ARMC8: variants seen among roughly 807,000 people sequenced by gnomAD.
The protein encoded by ARMC8 is armadillo repeat containing 8.
Under a neutral mutation model 99.3 loss-of-function variants are expected in ARMC8, and 20 were observed. The ratio of observed to expected loss-of-function variants is 0.20; its 90% CI spans 0.14 to 0.29. ARMC8 has a LOEUF of 0.29. Ranked by LOEUF, ARMC8 falls within the 10% of genes least tolerant of loss-of-function variation. The pLI, the probability that ARMC8 is intolerant of heterozygous loss-of-function variation, is 1.00. For missense variants in ARMC8, 569 were observed against 809.5 expected (o/e 0.70, Z 3.60); for synonymous variants, 263 against 278.3 (o/e 0.95, Z 0.55).
At chr3:138,240,637 T>A (rs1191988499) in intron 10 of ARMC8, among the ~76,000 whole-genome samples, 1 of 152,224 alleles carries the variant, frequency 6.6e-6, no homozygotes, top group Non-Finnish European at 1.5e-5. Flanking sequence ...ATTATAAAGC[T>A]TCTACTAGCC....
intron 9 of ARMC8, chr3:138,239,243 T>G: frequency 4.8e-6 from 2 of 418,108 alleles, no homozygotes; most frequent in Non-Finnish European, 8.5e-6. Flanking sequence ...TTTTGTTTCA[T>G]TTTGTTTTTT....
At chr3:138,235,395 C>G (rs939491032) in intron 7 of ARMC8, among the ~76,000 whole-genome samples, 1 of 152,118 alleles carries the variant, frequency 6.6e-6, no homozygotes, top group Non-Finnish European at 1.5e-5. Flanking sequence ...GCCATGATGC[C>G]TTGAAGTATA....
chr3:138,290,675 G>T (rs1439274863), intron 21 of ARMC8, 36 bp downstream of exon 21: 1 of 1,426,296 alleles, frequency 7.0e-7, no homozygotes, highest in Admixed American at 2.0e-5. Context: ...GCTTTGGGCT[G>T]TGTTGGATTC....
At chr3:138,246,299 A>G in intron 12 of ARMC8, 2 of 985,838 alleles carry the variant, frequency 2.0e-6, no homozygotes, top group Non-Finnish European at 2.4e-6. Flanking sequence ...TCAGTTAACA[A>G]GATACTTTGA....
At chr3:138,215,550 G>A (rs557142830) in intron 2 of ARMC8, among the ~76,000 whole-genome samples, 7 of 152,110 alleles carry the variant, frequency 4.6e-5, no homozygotes, top group Non-Finnish European at 8.8e-5. Context: ...GCGCTTAACT[G>A]CATGCTGCCA....
intron 1 of ARMC8, among the ~76,000 whole-genome samples, chr3:138,194,537 A>G (rs556002220): frequency 1.3e-5 from 2 of 149,220 alleles, no homozygotes; most frequent in African/African-American, 5.0e-5. Context: ...AAGGGGTTTC[A>G]CTGTGTTAGC....
At chr3:138,241,653 A>G (rs2108175207) in intron 10 of ARMC8, 130 bp from the exon 11 acceptor site, 2 of 800,848 alleles carry the variant, frequency 2.5e-6, no homozygotes, top group Non-Finnish European at 3.9e-6. Context: ...TTTATTCTCT[A>G]GAAGTCAGTA....
intron 17 of ARMC8, among the ~76,000 whole-genome samples, chr3:138,273,675 A>T (rs1241920291): frequency 2.0e-5 from 3 of 152,330 alleles, no homozygotes; most frequent in East Asian, 1.9e-4. Flanking sequence ...CTTCAGGTAG[A>T]TGAGGAAATA....
At chr3:138,255,459 C>T (rs2047351720) in intron 12 of ARMC8, among the ~76,000 whole-genome samples, 1 of 152,074 alleles carries the variant, frequency 6.6e-6, no homozygotes, top group South Asian at 2.1e-4. Flanking sequence ...GCCTTGGCCT[C>T]CCAAAGTGCT....
At chr3:138,286,986 A>G (rs1388180572) in intron 19 of ARMC8, among the ~76,000 whole-genome samples, 1 of 152,088 alleles carries the variant, frequency 6.6e-6, no homozygotes, top group East Asian at 1.9e-4. Flanking sequence ...CCTTCTTCCA[A>G]AACTGATCTT....
chr3:138,266,042 G>A (rs1418166713), intron 14 of ARMC8, among the ~76,000 whole-genome samples: 1 of 152,140 alleles, frequency 6.6e-6, no homozygotes, highest in Non-Finnish European at 1.5e-5. Flanking sequence ...TCACAATATG[G>A]TCTTATGAGG....
chr3:138,271,801 T>TC (rs56997401), intron 16 of ARMC8, among the ~76,000 whole-genome samples: 5 of 149,022 alleles, frequency 3.4e-5, no homozygotes, highest in Admixed American at 6.6e-5. Context: ...TTTCTTTCTT[T>TC]TTTTTTTTTT....
chr3:138,292,695 G>A (rs569457586), intron 21 of ARMC8, among the ~76,000 whole-genome samples: 17 of 152,286 alleles, frequency 1.1e-4, no homozygotes, highest in South Asian at 8.3e-4. Flanking sequence ...GTATGCCAGC[G>A]TTAAGATGCA....
chr3:138,190,651 T>G (rs948234831), intron 1 of ARMC8, among the ~76,000 whole-genome samples: 1 of 152,144 alleles, frequency 6.6e-6, no homozygotes, highest in African/African-American at 2.4e-5. Flanking sequence ...CAGGTTAGAG[T>G]GATACAGAAT....
In ARMC8 at chr3:138,229,157, T is replaced by TACAC. The variant is rs1559957656; in HGVS notation, c.528+148_528+149insCACA. 3 of 66,954 alleles carry TACAC rather than the reference T, an allele frequency of 4.5e-5. 1 individual carries two copies. The highest frequency in any genetic ancestry group is 2.1e-4 in the African/African-American group (3 of 14,620). The allele number at this position is 66,954 out of a possible 1,614,324, so 4.1% of individuals were successfully genotyped here. A position where few individuals can be genotyped will look rare whatever the true frequency, so the allele number is the denominator to read the frequency against. ...GTGTATATATATATATATATATATA[T>TACAC]ATATATATATATATATATATATATA... is the stretch of plus-strand genomic sequence containing the variant. On this transcript the variant is annotated intron_variant, in intron 6 of 21. Transcript: ENST00000469044.
rs115555502 is a variant in ARMC8 at position 138,224,676 on chromosome 3, A to T, written c.435+943A>T. ...TGAGCCATGAAAATCACTTGAACCC[A>T]GGAGGAGACGTTGCAGTGATCTGAG... On this transcript the variant is annotated intron_variant, in intron 5 of 21. Coordinates refer to ENST00000469044, the MANE Select transcript of ARMC8 (RefSeq NM_001363941.2). 8.9e-3 allele frequency among the ~76,000 whole-genome samples: 1,363 copies of T among 152,324 alleles called. 19 individuals carry two copies. Among genetic ancestry groups the T allele is most frequent in the African/African-American group, 0.031 (1,304 of 41,570 alleles).
In ARMC8 at chr3:138,285,453, A is replaced by G. The variant is rs928650007; in HGVS notation, c.1821+927A>G. Among the ~76,000 whole-genome samples the G allele has an allele frequency of 2.0e-5, 3 of 152,300 alleles. No individual in the cohort carries two copies. The Middle Eastern group carries it at 0.01, about 518-fold the overall frequency. ...TCTTCCTTTGTTCACTACACTGGCC[A>G]CTTGAAGTTTCTCAAAAAGGCCACG... On this transcript the variant is annotated intron_variant, in intron 19 of 21. Transcript: ENST00000469044.
intron 12 of ARMC8, among the ~76,000 whole-genome samples, chr3:138,248,772 AAATT>A (rs1160241700): frequency 6.6e-5 from 10 of 152,372 alleles, no homozygotes; most frequent in East Asian, 1.9e-4. Context: ...ATGTTAGTGA[AAATT>A]AAGGGAAATT....
chr3:138,288,916 C>T (rs767704168), intron 19 of ARMC8, 132 bp from the exon 20 acceptor site: 9 of 666,412 alleles, frequency 1.4e-5, no homozygotes, highest in Non-Finnish European at 2.3e-5. Context: ...GGATTACAGG[C>T]ATGAGCCACC....
Sources: gnomAD v4.1 joint callset for allele counts (sites outside exome capture counted in the v4.1 genomes callset) on GRCh38, gnomAD v4.1.1 for gene constraint, MANE v1.5 for transcripts, NCBI Gene and HGNC (gene_info 2026-07-23, HGNC 2026-07-21) for gene names.